The following NTNG2 variants were observed in gnomAD, a reference collection of about 807,000 sequenced individuals.
NTNG2 encodes netrin G2.
In NTNG2, 15 loss-of-function variants were observed where a neutral mutation model predicts 47.6. The ratio of observed to expected loss-of-function variants is 0.32; its 90% confidence interval spans 0.21 to 0.49. The LOEUF (loss-of-function observed/expected upper bound fraction) is 0.49. Among genes scored for constraint, NTNG2 ranks in the 20% least tolerant of loss-of-function variants. The pLI, the probability that NTNG2 is intolerant of heterozygous loss-of-function variation, is 0.99. For missense variants in NTNG2, 578 were observed against 764.6 expected (o/e 0.76, Z 2.88); for synonymous variants, 307 against 324.6 (o/e 0.95, Z 0.58).
intron 2 of NTNG2, among the ~76,000 whole-genome samples, chr9:132,185,073 G>C (rs2131378758): frequency 1.3e-5 from 2 of 152,146 alleles, no homozygotes; most frequent in South Asian, 4.1e-4. Context: ...CTGAGAATGG[G>C]CTGGGGGTGG....
intron 2 of NTNG2, among the ~76,000 whole-genome samples, chr9:132,175,777 C>T (rs896632785): frequency 1.3e-5 from 2 of 152,082 alleles, no homozygotes; most frequent in African/African-American, 2.4e-5. Context: ...AGCGAGAATA[C>T]GCCCCCAGCC....
chr9:132,217,473 G>A (rs1169472078), intron 3 of NTNG2, among the ~76,000 whole-genome samples: 1 of 152,224 alleles, frequency 6.6e-6, no homozygotes, highest in Non-Finnish European at 1.5e-5. Context: ...GGGTTCACCA[G>A]CTGTGTGGCC....
At chr9:132,230,967 C>G (rs117104017) in intron 5 of NTNG2, among the ~76,000 whole-genome samples, 14 of 152,294 alleles carry the variant, frequency 9.2e-5, no homozygotes, top group Non-Finnish European at 2.1e-4. Flanking sequence ...CGCCACTTCT[C>G]TCACCTGGAT....
At chr9:132,176,236 T>A (rs1399965120) in intron 2 of NTNG2, among the ~76,000 whole-genome samples, 1 of 152,106 alleles carries the variant, frequency 6.6e-6, no homozygotes, top group African/African-American at 2.4e-5. Flanking sequence ...TTTAAACTAT[T>A]TTACAATATA....
intron 3 of NTNG2, among the ~76,000 whole-genome samples, chr9:132,203,874 G>A (rs1223167831): frequency 6.6e-6 from 1 of 152,150 alleles, no homozygotes. Context: ...GCTCCAGGAA[G>A]GCAGCCCAGC....
intron 3 of NTNG2, among the ~76,000 whole-genome samples, chr9:132,211,913 A>AATTC (rs762306388): frequency 2.6e-5 from 4 of 152,268 alleles, no homozygotes; most frequent in South Asian, 2.1e-4. Context: ...ATATGTGTGG[A>AATTC]ATTCATTCAT....
At chr9:132,233,285 GCACA>G (rs375746278) in intron 5 of NTNG2, 1 of 152,158 alleles carries the variant, frequency 6.6e-6, no homozygotes, top group African/African-American at 2.4e-5. Flanking sequence ...GTGCACACAT[GCACA>G]CACACACATG....
Position 132,218,065 on chromosome 9 carries a change from G to C in NTNG2, c.858-8784G>C, listed in dbSNP as rs1840107278. 6.6e-6 allele frequency among the ~76,000 whole-genome samples: 1 copy of C among 152,232 alleles called. No individual in the cohort carries two copies. The highest frequency in any genetic ancestry group is 2.4e-5 in the African/African-American group (1 of 41,464). ...ATATTGTTTCCCGCTCTTCAGGTGA[G>C]AAAAGCGAGACTCAGGTTGGCTAAG... is the stretch of plus-strand genomic sequence containing the variant. On this transcript the variant is annotated intron_variant, in intron 3 of 7. Transcript: ENST00000393229. This position sits in a 1 kb window ranked among gnomAD's most constrained non-coding sequence, Gnocchi z 5.4.
Position 132,241,001 on chromosome 9 carries a change from C to T in NTNG2, c.1314C>T (p.Cys438=). The T allele has an allele frequency of 6.2e-7, 1 of 1,609,508 alleles. No individual in the cohort carries two copies. Among genetic ancestry groups the T allele is most frequent in the Non-Finnish European group, 8.5e-7 (1 of 1,179,332 alleles). The change falls in exon 7 of 8, where the codon TGC becomes TGT. Residue 438 remains cysteine, a synonymous_variant. Coordinates refer to ENST00000393229, the MANE Select transcript of NTNG2 (RefSeq NM_032536.4). ...ECREGAAGPK[C]DDCLPTHYWR... ...GCGAGGGCGCGGCGGGCCCCAAGTG[C>T]GACGACTGCCTCCCCACGCACTACT...
At position 132,182,057 on chromosome 9, in the gene NTNG2, G is replaced by C. The variant is rs951842828; in HGVS notation, c.213+15013G>C. Among the ~76,000 whole-genome samples the C allele has an allele frequency of 6.6e-6, 1 of 152,238 alleles. No individual in the cohort carries two copies. The highest frequency in any genetic ancestry group is 2.4e-5 in the African/African-American group (1 of 41,468). ...CAGCACACCCCGGCAGCCCAGAGAA[G>C]GGAGGGCCCGGAGGAGTGACGGTGT... is the stretch of plus-strand genomic sequence containing the variant. On this transcript the variant is annotated intron_variant, in intron 2 of 7. Transcript: ENST00000393229. The surrounding 1 kb of genome is among the most constrained non-coding windows in gnomAD (Gnocchi z 4.2).
rs1421573974 is a variant in NTNG2 at position 132,231,580 on chromosome 9, C to T, written c.1054+985C>T. 3.2e-6 allele frequency: 1 copy of T among 314,004 alleles called. No homozygotes were observed. The highest frequency in any genetic ancestry group is 6.3e-6 in the Non-Finnish European group (1 of 159,366). 19.5% of individuals were successfully genotyped at this position (314,004 alleles called of 1,614,324 possible). ...TCTGCACAGCCGTCGTAAGTTGCTT[C>T]TCTGTGGTGTCCCCACCCCGGCAAC... On this transcript the variant is annotated intron_variant, in intron 5 of 7. Coordinates refer to ENST00000393229, the MANE Select transcript of NTNG2 (RefSeq NM_032536.4). This position sits in a 1 kb window ranked among gnomAD's most constrained non-coding sequence, Gnocchi z 4.1.
intron 2 of NTNG2, among the ~76,000 whole-genome samples, chr9:132,167,694 CG>C: frequency 6.6e-6 from 1 of 152,280 alleles, no homozygotes; most frequent in Admixed American, 6.5e-5. Context: ...GACATTCAGG[CG>C]TTGTCCCTTG....
chr9:132,185,451 C>G (rs1268261447), intron 2 of NTNG2, among the ~76,000 whole-genome samples: 1 of 152,158 alleles, frequency 6.6e-6, no homozygotes, highest in East Asian at 1.9e-4. Context: ...TTCCTCCCTC[C>G]GTGATAAAAT....
chr9:132,179,418 T>C (rs4962170), intron 2 of NTNG2, among the ~76,000 whole-genome samples: 80,511 of 151,968 alleles, frequency 0.53, 22,753 homozygotes, highest in African/African-American at 0.74. Flanking sequence ...CCTAAGCCCA[T>C]CTGCCAGCTG....
rs1260754776 is a variant in NTNG2, at chr9:132,221,040, A to G, written c.858-5809A>G. 2.6e-5 allele frequency among the ~76,000 whole-genome samples: 4 copies of G among 152,136 alleles called. No individual in the cohort carries two copies. Among genetic ancestry groups the G allele is most frequent in the East Asian group, 3.9e-4 (2 of 5,182 alleles). On this transcript the variant is annotated intron_variant, in intron 3 of 7. Coordinates refer to ENST00000393229, the MANE Select transcript of NTNG2 (RefSeq NM_032536.4). This position sits in a 1 kb window ranked among gnomAD's most constrained non-coding sequence, Gnocchi z 4.2. ...GAGCTGTTTTACAGTCCATGCGCCC[A>G]TCTCCCCCAGTCATCTCGTACATCC... is the stretch of plus-strand genomic sequence containing the variant.
intron 2 of NTNG2, among the ~76,000 whole-genome samples, chr9:132,167,857 C>T (rs1835610809): frequency 6.6e-6 from 1 of 152,194 alleles, no homozygotes; most frequent in Non-Finnish European, 1.5e-5. Context: ...GTCCTCCCCT[C>T]AGCTAGCCAG....
chr9:132,188,242 C>A (rs976843941), intron 2 of NTNG2, among the ~76,000 whole-genome samples: 3 of 152,234 alleles, frequency 2.0e-5, no homozygotes, highest in Non-Finnish European at 2.9e-5. Flanking sequence ...ACCTTGTATG[C>A]GGCAGCAGCC....
chr9:132,194,082 T>A (rs953400119), intron 2 of NTNG2, among the ~76,000 whole-genome samples: 2 of 152,160 alleles, frequency 1.3e-5, no homozygotes, highest in African/African-American at 4.8e-5. Context: ...AGTCCCATTC[T>A]CAGATACTAG....
In NTNG2 at chr9:132,231,354, C is replaced by T. The variant is rs955804495; in HGVS notation, c.1054+759C>T. 6 of 456,086 alleles carry T rather than the reference C, an allele frequency of 1.3e-5. No individual in the cohort carries two copies. The highest frequency in any genetic ancestry group is 1.2e-4 in the African/African-American group (6 of 50,062). 28.3% of individuals were successfully genotyped at this position (456,086 alleles called of 1,614,324 possible). On this transcript the variant is annotated intron_variant, in intron 5 of 7. Transcript: ENST00000393229. The surrounding 1 kb of genome is among the most constrained non-coding windows in gnomAD (Gnocchi z 4.1). ...TGCTCTGCGAGGCAGCAGGAGAGGA[C>T]TGGCCAATGTCAAAGAGCCAGCCGG... is the stretch of plus-strand genomic sequence containing the variant.
Sources: allele counts gnomAD v4.1 joint callset (sites outside exome capture counted in the v4.1 genomes callset), GRCh38; gene constraint gnomAD v4.1.1; non-coding constraint Gnocchi (gnomAD v3.1); transcripts MANE v1.5; gene names NCBI Gene and HGNC (gene_info 2026-07-23, HGNC 2026-07-21).